Variants in ARHGEF18 observed in about 807,000 individuals in gnomAD.
The protein encoded by ARHGEF18 is rho guanine nucleotide exchange factor 18.
ARHGEF18 carries 93 observed loss-of-function variants against 155.7 expected under a neutral mutation model. That is an observed-to-expected ratio of 0.60 (90% CI 0.50 to 0.71). The LOEUF is 0.71. Ranked by LOEUF, ARHGEF18 falls within the 30% of genes least tolerant of loss-of-function variation. The probability of loss-of-function intolerance (pLI) is 0.00; values close to 1 mark genes in which losing one functional copy is unlikely to be tolerated. For missense variants in ARHGEF18, 1,593 were observed against 1,816.1 expected (o/e 0.88, Z 2.23); for synonymous variants, 742 against 753.1 (o/e 0.99, Z 0.24).
At chr19:7,438,299 C>T (rs1202937664) in intron 10 of ARHGEF18, among the ~76,000 whole-genome samples, 1 of 151,292 alleles carries the variant, frequency 6.6e-6, no homozygotes, top group African/African-American at 2.4e-5. Flanking sequence ...CGGGGTCTTG[C>T]TATGTTTCCC....
rs191296838 is a variant in ARHGEF18 at position 7,422,402 on chromosome 19, A to G, written c.968-17942A>G. Among the ~76,000 whole-genome samples the G allele has an allele frequency of 8.3e-4, 125 of 150,914 alleles. 1 individual carries two copies. Among genetic ancestry groups the G allele is most frequent in the South Asian group, 4.7e-3 (22 of 4,724 alleles). On this transcript the variant is annotated intron_variant, in intron 10 of 28. Coordinates refer to ENST00000668164, the MANE Select transcript of ARHGEF18 (RefSeq NM_001367823.1). ...CTGTCCTGTAACCACCTTCCCCACAATATGCCATCATTCCCCCTGTTAATG... is the reference window on the plus strand; with the variant it reads ...CTGTCCTGTAACCACCTTCCCCACAGTATGCCATCATTCCCCCTGTTAATG...
intron 5 of ARHGEF18, 53 bp downstream of exon 5, chr19:7,376,810 C>T: frequency 4.3e-6 from 5 of 1,167,452 alleles, no homozygotes; most frequent in Non-Finnish European, 5.4e-6. Flanking sequence ...AAAGAGGAGC[C>T]TGGCCAACAT....
intron 1 of ARHGEF18, among the ~76,000 whole-genome samples, chr19:7,362,018 AGAAGGAGAAGGAGAAGGAGAAGGAGAAGG>A (rs1969585812): frequency 5.1e-5 from 2 of 39,376 alleles, no homozygotes; most frequent in South Asian, 1.1e-3. Context: ...AAGAAGAAGG[AGAAGGAGAAGGAGAAGGAGAAGGAGAAGG>A]AGAAGGAGAA....
intron 10 of ARHGEF18, among the ~76,000 whole-genome samples, chr19:7,436,308 ACT>A (rs1400308604): frequency 2.9e-5 from 4 of 138,984 alleles, no homozygotes; most frequent in Admixed American, 7.4e-5. Flanking sequence ...ACAGGATCTC[ACT>A]CTGCTGCCCA....
rs755789641 is a variant in ARHGEF18 at position 7,468,917 on chromosome 19, C to T, written c.3573C>T (p.Tyr1191=). The T allele has an allele frequency of 1.7e-5, 27 of 1,575,470 alleles. No individual in the cohort carries two copies. The Middle Eastern group carries it at 2.1e-3, about 120-fold the overall frequency. ...SMLPSGVGPE[Y]AERPEVARRD... ...TGCCATCCGGCGTGGGGCCAGAGTA[C>T]GCAGAGCGCCCCGAGGTGGCTCGCC... The change falls in exon 27 of 29, where the codon TAC becomes TAT. Residue 1191 remains tyrosine, a synonymous_variant. Transcript: ENST00000668164.
At chr19:7,410,664 G>A (rs983369718) in intron 10 of ARHGEF18, among the ~76,000 whole-genome samples, 16 of 151,760 alleles carry the variant, frequency 1.1e-4, no homozygotes, top group Non-Finnish European at 1.5e-5. Context: ...AAAAAAATTA[G>A]CTGGGTGTGG....
chr19:7,405,444 C>T (rs1972254099), intron 10 of ARHGEF18, among the ~76,000 whole-genome samples: 1 of 152,122 alleles, frequency 6.6e-6, no homozygotes, highest in Admixed American at 6.6e-5. Flanking sequence ...CACCCTAAAT[C>T]GAAATTTCAT....
chr19:7,447,964 A>G (rs1163223480), intron 15 of ARHGEF18, among the ~76,000 whole-genome samples: 1 of 152,236 alleles, frequency 6.6e-6, no homozygotes, highest in African/African-American at 2.4e-5. Context: ...TCCCATCTCT[A>G]TTATATAAGA....
chr19:7,359,685 C>T (rs1314614240), intron 1 of ARHGEF18, among the ~76,000 whole-genome samples: 3 of 151,510 alleles, frequency 2.0e-5, no homozygotes, highest in Non-Finnish European at 4.4e-5. Context: ...TCTGTGATAT[C>T]AGGATCAAGG....
At chr19:7,430,061 C>T (rs1464470853) in intron 10 of ARHGEF18, among the ~76,000 whole-genome samples, 1 of 151,826 alleles carries the variant, frequency 6.6e-6, no homozygotes, top group Non-Finnish European at 1.5e-5. Flanking sequence ...GTACCCACAC[C>T]CAGTTTCCCC....
intron 10 of ARHGEF18, among the ~76,000 whole-genome samples, chr19:7,425,611 G>C (rs1172327399): frequency 6.6e-6 from 1 of 151,748 alleles, no homozygotes; most frequent in Non-Finnish European, 1.5e-5. Context: ...GAACCTGGGA[G>C]GTGGACGTTG....
intron 3 of ARHGEF18, among the ~76,000 whole-genome samples, chr19:7,373,728 C>A (rs1032413756): frequency 6.6e-6 from 1 of 151,720 alleles, no homozygotes; most frequent in African/African-American, 2.4e-5. Context: ...CCTGCCTCAG[C>A]CTCCCAAAGT....
At chr19:7,454,532 C>T (rs1271157530) in intron 17 of ARHGEF18, among the ~76,000 whole-genome samples, 1 of 152,004 alleles carries the variant, frequency 6.6e-6, no homozygotes, top group East Asian at 1.9e-4. Context: ...TGGGTGCCCT[C>T]TTGGATCAGT....
intron 18 of ARHGEF18, among the ~76,000 whole-genome samples, chr19:7,458,211 C>T (rs993740903): frequency 2.0e-5 from 3 of 149,608 alleles, no homozygotes; most frequent in Non-Finnish European, 4.4e-5. Flanking sequence ...CACTTGAGCC[C>T]AGGAGGTCAA....
intron 10 of ARHGEF18, among the ~76,000 whole-genome samples, chr19:7,430,368 AT>A (rs11301630): frequency 0.67 from 96,612 of 143,672 alleles, 33,052 homozygotes; most frequent in African/African-American, 0.85. Context: ...TGCCTGGCTA[AT>A]TTTTTTTTTT....
chr19:7,469,740 T>C (rs1976898172), intron 27 of ARHGEF18, among the ~76,000 whole-genome samples, 164 bp from the exon 28 acceptor site: 1 of 152,032 alleles, frequency 6.6e-6, no homozygotes, highest in South Asian at 2.1e-4. Flanking sequence ...CCGTTCTCCC[T>C]GAATCTGGGG....
intron 10 of ARHGEF18, among the ~76,000 whole-genome samples, chr19:7,438,937 A>G (rs1475742153): frequency 6.6e-6 from 1 of 150,908 alleles, no homozygotes; most frequent in Non-Finnish European, 1.5e-5. Flanking sequence ...CAGTGGCGCA[A>G]TCTCCGCTCA....
intron 2 of ARHGEF18, among the ~76,000 whole-genome samples, chr19:7,367,870 TTA>T (rs1379338970): frequency 0.02 from 1,171 of 59,758 alleles, 162 homozygotes; most frequent in Non-Finnish European, 0.022. Flanking sequence ...ATATATATTT[TTA>T]TATATATATA....
chr19:7,398,690 C>CA (rs1176940342), intron 10 of ARHGEF18, among the ~76,000 whole-genome samples: 2,357 of 114,904 alleles, frequency 0.021, 18 homozygotes, highest in Middle Eastern at 0.053. Flanking sequence ...GACTCTGTCT[C>CA]AAAAAAAAAA....
Sources: gnomAD v4.1 joint callset for allele counts (sites outside exome capture counted in the v4.1 genomes callset) on GRCh38, gnomAD v4.1.1 for gene constraint, MANE v1.5 for transcripts, NCBI Gene and HGNC (gene_info 2026-07-23, HGNC 2026-07-21) for gene names.